SOX5: variants seen among roughly 807,000 people sequenced by gnomAD.
SOX5 encodes SRY-box transcription factor 5.
SOX5 carries 9 observed loss-of-function variants against 92.0 expected under a neutral mutation model. That is an observed-to-expected ratio of 0.10 (90% CI 0.06 to 0.17). The LOEUF is 0.17. Ranked by LOEUF, SOX5 falls within the 10% of genes least tolerant of loss-of-function variation. The pLI, the probability that SOX5 is intolerant of heterozygous loss-of-function variation, is 1.00. For synonymous variants in SOX5, 344 were observed against 336.3 expected (o/e 1.02, Z -0.25); for missense variants, 642 against 944.5 (o/e 0.68, Z 4.20).
chr12:24,136,617 G>A (rs1176622611), intron 4 of SOX5, among the ~76,000 whole-genome samples: 2 of 152,172 alleles, frequency 1.3e-5, no homozygotes, highest in Non-Finnish European at 1.5e-5. Context: ...TTCAGAACTT[G>A]TAGCAGTGAG....
At chr12:24,016,726 C>G (rs1480753201) in intron 4 of SOX5, among the ~76,000 whole-genome samples, 1 of 152,176 alleles carries the variant, frequency 6.6e-6, no homozygotes, top group East Asian at 1.9e-4. Context: ...AATATATTGA[C>G]TTGCATAGGA....
intron 1 of SOX5, among the ~76,000 whole-genome samples, chr12:24,445,361 A>G (rs1941314348): frequency 6.6e-6 from 1 of 151,908 alleles, no homozygotes; most frequent in African/African-American, 2.4e-5. Flanking sequence ...GTTGAAAGAG[A>G]GCAAAAAAAG....
chr12:23,647,053 A>G (rs2080948670), intron 7 of SOX5, among the ~76,000 whole-genome samples: 1 of 152,228 alleles, frequency 6.6e-6, no homozygotes, highest in African/African-American at 2.4e-5. Flanking sequence ...CAGAGGAATC[A>G]CTGTGGCAGT....
intron 3 of SOX5, among the ~76,000 whole-genome samples, chr12:24,242,596 C>A (rs1380932756): frequency 6.6e-6 from 1 of 151,936 alleles, no homozygotes; most frequent in African/African-American, 2.4e-5. Flanking sequence ...ATTCCAAACA[C>A]GTATAGTCAC....
At chr12:23,935,484 A>G (rs560345516) in intron 1 of SOX5, among the ~76,000 whole-genome samples, 17 of 151,386 alleles carry the variant, frequency 1.1e-4, no homozygotes, top group Admixed American at 5.9e-4. Context: ...TATTATTTCA[A>G]TAGATGGCTT....
chr12:23,555,929 T>C (rs1382335442), intron 11 of SOX5, among the ~76,000 whole-genome samples: 2 of 152,126 alleles, frequency 1.3e-5, no homozygotes, highest in Non-Finnish European at 2.9e-5. Context: ...TATACTCAAT[T>C]TCTAAAAACA....
intron 1 of SOX5, among the ~76,000 whole-genome samples, chr12:24,556,479 A>G (rs1288264355): frequency 6.6e-6 from 1 of 152,248 alleles, no homozygotes; most frequent in Admixed American, 6.5e-5. Context: ...TGTTGACTCC[A>G]GAGAGCAAAA....
At chr12:23,747,657 C>A (rs1025098810) in intron 4 of SOX5, among the ~76,000 whole-genome samples, 1 of 152,104 alleles carries the variant, frequency 6.6e-6, no homozygotes, top group Non-Finnish European at 1.5e-5. Flanking sequence ...TCAACCTCAG[C>A]GCAGTTGACA....
rs1249031404 is a variant in SOX5, at chr12:23,530,808, T to C, written c.*3411A>G. The C allele has an allele frequency of 7.2e-6, 1 of 138,716 alleles. No homozygotes were observed. Among genetic ancestry groups the C allele is most frequent in the Non-Finnish European group, 1.6e-5 (1 of 62,758 alleles). 8.6% of individuals were successfully genotyped at this position (138,716 alleles called of 1,614,324 possible). A position where few individuals can be genotyped will look rare whatever the true frequency, so the allele number is the denominator to read the frequency against. On this transcript the variant is annotated 3_prime_UTR_variant, in exon 15 of 15. Transcript: ENST00000451604. ...CTCAGTGTTGGGGCAAGTGTGTGTG[T>C]GTGTGTGTGTGCGCGCGCGCGCGCG... is the stretch of plus-strand genomic sequence containing the variant.
chr12:23,758,260 G>A (rs563078011), intron 3 of SOX5, among the ~76,000 whole-genome samples: 4 of 151,842 alleles, frequency 2.6e-5, no homozygotes, highest in Non-Finnish European at 5.9e-5. Flanking sequence ...ATAACCAAAT[G>A]AAGACTTAGA....
At chr12:24,238,511 T>A (rs1215598852) in intron 3 of SOX5, among the ~76,000 whole-genome samples, 1 of 152,114 alleles carries the variant, frequency 6.6e-6, no homozygotes, top group Non-Finnish European at 1.5e-5. Flanking sequence ...GCCGCCAATG[T>A]CCAGCTTATT....
At chr12:24,440,901 G>A (rs536985890) in intron 1 of SOX5, among the ~76,000 whole-genome samples, 1 of 152,294 alleles carries the variant, frequency 6.6e-6, no homozygotes, top group African/African-American at 2.4e-5. Flanking sequence ...TATAACATGG[G>A]ATATAGGGAA....
chr12:24,494,829 C>G (rs1017880455), intron 1 of SOX5, among the ~76,000 whole-genome samples: 1 of 151,684 alleles, frequency 6.6e-6, no homozygotes, highest in Non-Finnish European at 1.5e-5. Context: ...AAAAAAAATA[C>G]CCCCAAAAAA....
At chr12:24,413,619 A>C (rs1304140518) in intron 1 of SOX5, among the ~76,000 whole-genome samples, 1 of 152,222 alleles carries the variant, frequency 6.6e-6, no homozygotes. Context: ...AACATGGCAG[A>C]TGGAATATTA....
intron 4 of SOX5, among the ~76,000 whole-genome samples, chr12:23,980,437 G>C (rs1438485691): frequency 6.6e-6 from 1 of 151,890 alleles, no homozygotes; most frequent in Non-Finnish European, 1.5e-5. Flanking sequence ...AAGAGGGTGA[G>C]TTCTAAAATC....
At chr12:24,228,851 G>C (rs1594549732) in intron 3 of SOX5, among the ~76,000 whole-genome samples, 6 of 152,160 alleles carry the variant, frequency 3.9e-5, no homozygotes, top group Admixed American at 3.3e-4. Context: ...GGCCACACCA[G>C]CTTATTTGGT....
At position 24,383,300 on chromosome 12, in the gene SOX5, T is replaced by C. The variant is rs534297004; in HGVS notation, c.-250-14661A>G. 1.4e-4 allele frequency among the ~76,000 whole-genome samples: 21 copies of C among 152,364 alleles called. No individual in the cohort carries two copies. In the South Asian group the frequency reaches 4.4e-3, roughly 32 times the overall value. ...TTTAAAAATCACAACTACCTTTATG[T>C]AACGATTTGTTTTTAATAGAGACAA... is the stretch of plus-strand genomic sequence containing the variant. On this transcript the variant is annotated intron_variant, in intron 1 of 4. Coordinates refer to the SOX5 transcript ENST00000446891.
chr12:24,079,009 T>C (rs539978478), intron 4 of SOX5, among the ~76,000 whole-genome samples: 2 of 152,008 alleles, frequency 1.3e-5, no homozygotes, highest in South Asian at 2.1e-4. Flanking sequence ...ATTAATTTTT[T>C]ACACCTGATG....
intron 4 of SOX5, among the ~76,000 whole-genome samples, chr12:24,208,162 T>C (rs536677379): frequency 6.6e-5 from 10 of 152,268 alleles, no homozygotes; most frequent in Admixed American, 1.3e-4. Flanking sequence ...CGCCTGACTT[T>C]CCTGAACTCT....
Sources: gnomAD v4.1 joint callset for allele counts (sites outside exome capture counted in the v4.1 genomes callset) on GRCh38, gnomAD v4.1.1 for gene constraint, MANE v1.5 for transcripts, NCBI Gene and HGNC (gene_info 2026-07-23, HGNC 2026-07-21) for gene names.